Variants in LSP1 observed in about 807,000 individuals in gnomAD.
The protein encoded by LSP1 is lymphocyte specific protein 1, also known as lymphocyte-specific protein 1.
A neutral mutation model predicts 49.3 loss-of-function variants in LSP1; 32 were observed. That is an observed-to-expected ratio of 0.65 (90% CI 0.49 to 0.87). The LOEUF (loss-of-function observed/expected upper bound fraction) is 0.87, where lower values mean the gene tolerates loss of function less well. LSP1 is among the 40% of genes least tolerant of loss of function. LSP1 has a pLI of 0.00. For missense variants in LSP1, 428 were observed against 442.6 expected, an observed-to-expected ratio of 0.97 and a Z score of 0.30; for synonymous variants, 179 against 178.8, an observed-to-expected ratio of 1.00 and a Z score of -0.01.
chr11:1,871,238 CAGAGCCGCAGCCACGCCGCCGGG>C, intron 1 of LSP1: 1 of 986,626 alleles, frequency 1.0e-6, no homozygotes, highest in Non-Finnish European at 1.2e-6. Flanking sequence ...ACGGGGCAGG[CAGAGCCGCAGCCACGCCGCCGGG>C]ATGCAGCAGG....
chr11:1,877,543 A>G lies in LSP1; in HGVS notation c.54-2544A>G, dbSNP rs376471752. Reference sequence around the variant, plus strand: ...AGAGTACACACCTGGGCCTCGTGCCAGGGCCGGCACCGCCGTTGTCGGGGC... The same window carrying G: ...AGAGTACACACCTGGGCCTCGTGCCGGGGCCGGCACCGCCGTTGTCGGGGC... On this transcript the variant is annotated intron_variant, in intron 1 of 10. Coordinates refer to ENST00000311604, the MANE Select transcript of LSP1 (RefSeq NM_002339.3). Among the ~76,000 whole-genome samples the G allele has an allele frequency of 2.2e-4, 34 of 152,294 alleles. No individual in the cohort carries two copies. In the East Asian group the frequency reaches 6.2e-3, roughly 28 times the overall value.
At chr11:1,875,377 C>T (rs1305796405) in intron 1 of LSP1, among the ~76,000 whole-genome samples, 2 of 152,190 alleles carry the variant, frequency 1.3e-5, no homozygotes, top group Admixed American at 6.5e-5. Context: ...GGACCCAGCG[C>T]GTGCAGAGAG....
chr11:1,870,533 G>A (rs1329432241), intron 1 of LSP1: 1 of 1,169,408 alleles, frequency 8.6e-7, no homozygotes, highest in South Asian at 1.8e-5. Flanking sequence ...GTGTGGGGGT[G>A]TCAGGAAGAG....
In LSP1 at chr11:1,864,997, G is replaced by A. The variant is rs567026725; in HGVS notation, c.53+11800G>A. Among the ~76,000 whole-genome samples, 3 of 152,148 alleles carry A rather than the reference G, an allele frequency of 2.0e-5. No homozygotes were observed. In the South Asian group the frequency reaches 6.2e-4, roughly 32 times the overall value. On this transcript the variant is annotated intron_variant, in intron 1 of 10. Coordinates refer to ENST00000311604, the MANE Select transcript of LSP1 (RefSeq NM_002339.3). ...GAGGGGTGACAGCCAGCGAGAGACC[G>A]AGGGCCAGGGCAGAGCGCCAAGGAA...
At chr11:1,856,706 C>T (rs1439948684) in intron 1 of LSP1, among the ~76,000 whole-genome samples, 1 of 152,250 alleles carries the variant, frequency 6.6e-6, no homozygotes, top group African/African-American at 2.4e-5. Flanking sequence ...CCCTGGAAGT[C>T]TTCATCTGAG....
intron 10 of LSP1, chr11:1,889,126 G>C (rs545299176): frequency 1.6e-6 from 1 of 625,588 alleles, no homozygotes; most frequent in Admixed American, 2.7e-5. Flanking sequence ...CCTGGGCTCT[G>C]GGGGCCATTC....
intron 1 of LSP1, chr11:1,876,727 G>A: frequency 2.5e-6 from 2 of 784,378 alleles, no homozygotes; most frequent in Non-Finnish European, 3.1e-6. Flanking sequence ...GGGGGTGGGG[G>A]TTTGTGGAGG....
chr11:1,859,084 T>A (rs566464), intron 1 of LSP1, among the ~76,000 whole-genome samples: 151,917 of 152,292 alleles, frequency 1, 75,773 homozygotes, highest in Middle Eastern at 1. Context: ...CTGACCTCAG[T>A]GCTTGGAGCA....
intron 1 of LSP1, chr11:1,870,993 G>T: frequency 2.0e-6 from 2 of 985,630 alleles, no homozygotes; most frequent in Non-Finnish European, 2.4e-6. Context: ...AGGGCTCCTT[G>T]GTCCCCTCCT....
chr11:1,865,792 G>T (rs1847771460), intron 1 of LSP1, among the ~76,000 whole-genome samples: 1 of 151,694 alleles, frequency 6.6e-6, no homozygotes, highest in African/African-American at 2.4e-5. Flanking sequence ...CCTCCCGTGG[G>T]GTCCTTCGGA....
rs1847871063 is a variant in LSP1, at chr11:1,868,547, C to T, written c.54-11540C>T. ...AGTGGGGCAGGAATGGGCTGGCAGC[C>T]TGCTGGGCTGGCCCTGAGGGGGCTG... On this transcript the variant is annotated intron_variant, in intron 1 of 10. Transcript: ENST00000311604. 2.0e-5 allele frequency: 13 copies of T among 643,618 alleles called. No homozygotes were observed. In the South Asian group the frequency reaches 8.9e-4, roughly 44 times the overall value. 39.9% of individuals were successfully genotyped at this position (643,618 alleles called of 1,614,324 possible).
intron 1 of LSP1, among the ~76,000 whole-genome samples, chr11:1,857,949 T>C (rs1565069443): frequency 1.3e-5 from 2 of 152,114 alleles, no homozygotes; most frequent in Non-Finnish European, 2.9e-5. Context: ...GAGAAGAGGC[T>C]TTCACCATGT....
At chr11:1,887,356 C>T in intron 9 of LSP1, 42 bp downstream of exon 9, 1 of 1,596,754 alleles carries the variant, frequency 6.3e-7, no homozygotes, top group Non-Finnish European at 8.6e-7. Context: ...GTGGGTGCAG[C>T]AGGGGAGGGC....
intron 1 of LSP1, among the ~76,000 whole-genome samples, chr11:1,858,646 G>A (rs1041146115): frequency 2.6e-5 from 4 of 152,190 alleles, no homozygotes; most frequent in African/African-American, 9.7e-5. Context: ...GGAAGCGAGC[G>A]GGCTGGAGAG....
chr11:1,886,929 GC>G, intron 8 of LSP1, 63 bp downstream of exon 8: 1 of 1,569,192 alleles, frequency 6.4e-7, no homozygotes, highest in Non-Finnish European at 8.7e-7. Context: ...TTAGTAGCAG[GC>G]CGGGTTTCCT....
At chr11:1,874,287 G>A (rs1259372851) in intron 1 of LSP1, among the ~76,000 whole-genome samples, 8 of 95,094 alleles carry the variant, frequency 8.4e-5, no homozygotes, top group Non-Finnish European at 1.3e-4. Flanking sequence ...GGCCGGGGAC[G>A]GGGGGGCAGT....
chr11:1,865,185 T>C (rs1329148150), intron 1 of LSP1: 2 of 985,772 alleles, frequency 2.0e-6, no homozygotes, highest in Non-Finnish European at 2.4e-6. Context: ...GGTCGCCGCC[T>C]GAGCAGAGGC....
At chr11:1,881,665 TGGGCAGAGCAGGGCTCCCTCTGGACCTC>T (rs2133116773) in intron 3 of LSP1, 69 bp downstream of exon 3, 1 of 1,429,496 alleles carries the variant, frequency 7.0e-7, no homozygotes, top group African/African-American at 1.5e-5. Context: ...GGGCGGGCGC[TGGGCAGAGCAGGGCTCCCTCTGGACCTC>T]GAGGGCGGGC....
Position 1,881,111 on chromosome 11 carries a change from C to T in LSP1, c.192-321C>T, listed in dbSNP as rs1319594779. 3.6e-5 allele frequency: 10 copies of T among 280,380 alleles called. No individual in the cohort carries two copies. The South Asian group carries it at 5.1e-4, about 14-fold the overall frequency. The allele number at this position is 280,380 out of a possible 1,614,324, so 17.4% of individuals were successfully genotyped here. A position where few individuals can be genotyped will look rare whatever the true frequency, so the allele number is the denominator to read the frequency against. On this transcript the variant is annotated intron_variant, in intron 2 of 10. Transcript: ENST00000311604. ...AGGCACAGCCTTACCCTCAGGGAGCCCCAAACTGATGAGGGAGGCATAGCC... is the reference window on the plus strand; with the variant it reads ...AGGCACAGCCTTACCCTCAGGGAGCTCCAAACTGATGAGGGAGGCATAGCC...
Sources: gnomAD v4.1 joint callset for allele counts (sites outside exome capture counted in the v4.1 genomes callset) on GRCh38, gnomAD v4.1.1 for gene constraint, MANE v1.5 for transcripts, NCBI Gene and HGNC (gene_info 2026-07-23, HGNC 2026-07-21) for gene names.